Variants in FMNL3 observed in about 807,000 individuals in gnomAD.
The protein encoded by FMNL3 is formin like 3.
FMNL3 carries 57 observed loss-of-function variants against 119.6 expected under a neutral mutation model. That is an observed-to-expected ratio of 0.48 (90% CI 0.39 to 0.59). The LOEUF (loss-of-function observed/expected upper bound fraction) is 0.59, where lower values mean the gene tolerates loss of function less well. Ranked by LOEUF, FMNL3 falls within the 20% of genes least tolerant of loss-of-function variation. FMNL3 has a pLI of 0.00. For synonymous variants in FMNL3, 491 were observed against 507.3 expected (o/e 0.97, Z 0.43); for missense variants, 1,053 against 1,323.5 (o/e 0.80, Z 3.17).
chr12:49,651,362 A>C lies in FMNL3; in HGVS notation c.1672+20T>G, dbSNP rs757306790. 3.2e-6 allele frequency: 5 copies of C among 1,583,546 alleles called. No individual in the cohort carries two copies. The highest frequency in any genetic ancestry group is 1.7e-6 in the Non-Finnish European group (2 of 1,157,940). ...ACCCCTGGTCCCACCAGCCCTGCCC[A>C]GAGCCCTGGGGATACTCACCTGACA... On this transcript the variant is annotated intron_variant, in intron 15 of 25. Coordinates refer to ENST00000335154, the MANE Select transcript of FMNL3 (RefSeq NM_175736.5).
At chr12:49,655,114 A>C (rs555467577) in intron 9 of FMNL3, 130 bp from the exon 10 acceptor site, 2 of 771,398 alleles carry the variant, frequency 2.6e-6, no homozygotes, top group East Asian at 5.2e-5. Context: ...CTATATATGA[A>C]ATAGGCCATT....
chr12:49,661,910 T>C (rs1943744735), intron 5 of FMNL3, 56 bp downstream of exon 5: 1 of 1,482,170 alleles, frequency 6.7e-7, no homozygotes, highest in African/African-American at 1.4e-5. Context: ...CAAAGTAGAA[T>C]GGAACTATGT....
intron 1 of FMNL3, among the ~76,000 whole-genome samples, chr12:49,672,634 C>G (rs542206321): frequency 1.3e-4 from 20 of 152,334 alleles, no homozygotes; most frequent in Non-Finnish European, 2.4e-4. Flanking sequence ...CAGCCCCAGT[C>G]AAGCCAAGGA....
Position 49,647,855 on chromosome 12 carries a change from G to T in FMNL3, c.2677-51C>A. 7.1e-7 allele frequency: 1 copy of T among 1,407,670 alleles called. No homozygotes were observed. Among genetic ancestry groups the T allele is most frequent in the Non-Finnish European group, 1.0e-6 (1 of 994,760 alleles). The allele number at this position is 1,407,670 out of a possible 1,614,324, so 87.2% of individuals were successfully genotyped here. ...TCACCCTGGCAGGAAGATCAGCCCA[G>T]CTCCCACACCACGGATGAGAGGCCT... On this transcript the variant is annotated intron_variant, in intron 22 of 25. Coordinates refer to ENST00000335154, the MANE Select transcript of FMNL3 (RefSeq NM_175736.5). This position sits in a 1 kb window ranked among gnomAD's most constrained non-coding sequence, Gnocchi z 4.9.
intron 5 of FMNL3, among the ~76,000 whole-genome samples, chr12:49,659,329 T>C (rs534560354): frequency 6.6e-6 from 1 of 152,228 alleles, no homozygotes; most frequent in Non-Finnish European, 1.5e-5. Context: ...ACCAGGGTCC[T>C]GTAGTATAGC....
chr12:49,647,602 C>T lies in FMNL3; in HGVS notation c.2778+101G>A, dbSNP rs539655308. On this transcript the variant is annotated intron_variant, in intron 23 of 25. Coordinates refer to ENST00000335154, the MANE Select transcript of FMNL3 (RefSeq NM_175736.5). This position sits in a 1 kb window ranked among gnomAD's most constrained non-coding sequence, Gnocchi z 4.9. Reference sequence around the variant, plus strand: ...CTTGCATCGCTCCCTTCCCAGGACTCGGAGGAGGAGTCGGAAAAGGCCCAT... The same window carrying T: ...CTTGCATCGCTCCCTTCCCAGGACTTGGAGGAGGAGTCGGAAAAGGCCCAT... The T allele has an allele frequency of 5.3e-5, 59 of 1,119,400 alleles. No individual in the cohort carries two copies. Among genetic ancestry groups the T allele is most frequent in the Middle Eastern group, 2.0e-4 (1 of 4,986 alleles). 69.3% of individuals were successfully genotyped at this position (1,119,400 alleles called of 1,614,324 possible). A position where few individuals can be genotyped will look rare whatever the true frequency, so the allele number is the denominator to read the frequency against.
At chr12:49,653,019 T>A (rs1275340846) in intron 13 of FMNL3, among the ~76,000 whole-genome samples, 1 of 152,086 alleles carries the variant, frequency 6.6e-6, no homozygotes, top group East Asian at 1.9e-4. Flanking sequence ...CCCTCTTATG[T>A]GTGTGTCTGG....
chr12:49,648,104 TAA>T (rs763770317), intron 22 of FMNL3, 87 bp downstream of exon 22: 9,472 of 1,205,644 alleles, frequency 7.9e-3, no homozygotes, highest in South Asian at 0.019. Flanking sequence ...CTGCTTGATT[TAA>T]AAAAAAAAAA....
intron 10 of FMNL3, 35 bp downstream of exon 10, chr12:49,654,875 G>C (rs780790971): frequency 1.2e-6 from 2 of 1,601,894 alleles, no homozygotes; most frequent in Admixed American, 3.4e-5. Context: ...CACAGCCCTG[G>C]TGGGTATGTG....
Position 49,649,570 on chromosome 12 carries a change from C to T in FMNL3, c.2236-32G>A. The T allele has an allele frequency of 1.2e-6, 2 of 1,614,002 alleles. No individual in the cohort carries two copies. The highest frequency in any genetic ancestry group is 1.1e-5 in the South Asian group (1 of 91,044). Reference sequence around the variant, plus strand: ...GACAATATGAACACTGAAGTAACCCCAGGCTGAGATGGGGTAAAGACAGGG... The same window carrying T: ...GACAATATGAACACTGAAGTAACCCTAGGCTGAGATGGGGTAAAGACAGGG... On this transcript the variant is annotated intron_variant, in intron 18 of 25. Coordinates refer to ENST00000335154, the MANE Select transcript of FMNL3 (RefSeq NM_175736.5). The surrounding 1 kb of genome is among the most constrained non-coding windows in gnomAD (Gnocchi z 5.6).
In FMNL3 at chr12:49,650,254, T is replaced by A. The variant is rs796200945; in HGVS notation, c.2001-329A>T. ...TCCTCTCCCTACACTAAAGCCAGAT[T>A]CAATTTTTAGTACCCAAGGCACTAT... On this transcript the variant is annotated intron_variant, in intron 17 of 25. Transcript: ENST00000335154. Among the ~76,000 whole-genome samples, 4 of 152,248 alleles carry A rather than the reference T, an allele frequency of 2.6e-5. No homozygotes were observed. The East Asian group carries it at 7.7e-4, about 29-fold the overall frequency.
intron 2 of FMNL3, among the ~76,000 whole-genome samples, chr12:49,667,964 C>A (rs148178388): frequency 1.5e-4 from 23 of 152,280 alleles, no homozygotes; most frequent in African/African-American, 4.3e-4. Context: ...CAACTCTGAG[C>A]AAAGTAATGA....
At position 49,656,902 on chromosome 12, in the gene FMNL3, G is replaced by A. The variant is rs778898642; in HGVS notation, c.715-3C>T. On this transcript the variant is annotated splice_polypyrimidine_tract_variant and splice_region_variant and intron_variant, in intron 7 of 25. Coordinates refer to ENST00000335154, the MANE Select transcript of FMNL3 (RefSeq NM_175736.5). ...GACATGACCAGGTTGAATCCGTACT[G>A]CAAGGGAAAGGACAGAAGGAGGGGA... 1 of 1,613,542 alleles carries A rather than the reference G, an allele frequency of 6.2e-7. No individual in the cohort carries two copies. The highest frequency in any genetic ancestry group is 8.5e-7 in the Non-Finnish European group (1 of 1,179,482).
chr12:49,662,014 C>G lies in FMNL3; in HGVS notation c.404G>C (p.Gly135Ala). The part of the protein sequence containing the change: ...VREFLNDENK[G>A]LDVLVDYLSF... ...CAGGTAATCCACCAGTACATCCAGG[C>G]CTTTGTTTTCATCATTCAGAAATTC... The change falls in exon 5 of 26, where the codon GGC becomes GCC. Residue 135 changes from glycine to alanine, a missense_variant. Gly to Ala is a moderately conservative substitution (Grantham distance 60, BLOSUM62 0). Coordinates refer to ENST00000335154, the MANE Select transcript of FMNL3 (RefSeq NM_175736.5). 6.2e-7 allele frequency: 1 copy of G among 1,614,146 alleles called. No homozygotes were observed. The highest frequency in any genetic ancestry group is 8.5e-7 in the Non-Finnish European group (1 of 1,180,028).
At chr12:49,680,363 G>C (rs564887976) in intron 1 of FMNL3, among the ~76,000 whole-genome samples, 2 of 152,266 alleles carry the variant, frequency 1.3e-5, no homozygotes, top group Admixed American at 1.3e-4. Context: ...GTCACAAGTT[G>C]TATCAGCTAG....
chr12:49,663,237 C>T (rs762783351), intron 4 of FMNL3, among the ~76,000 whole-genome samples: 15 of 152,322 alleles, frequency 9.8e-5, no homozygotes, highest in Admixed American at 5.9e-4. Context: ...ACTGCTATTT[C>T]GGGATCTTGA....
chr12:49,657,340 G>GT (rs2138788563), intron 6 of FMNL3, 150 bp from the exon 7 acceptor site: 14 of 622,902 alleles, frequency 2.2e-5, no homozygotes, highest in Non-Finnish European at 4.0e-5. Flanking sequence ...GAGGGACAGG[G>GT]TGCAGGAGGC....
intron 1 of FMNL3, among the ~76,000 whole-genome samples, chr12:49,704,776 C>T (rs1202988412): frequency 3.3e-5 from 5 of 151,140 alleles, no homozygotes; most frequent in African/African-American, 1.2e-4. Flanking sequence ...TTACTGGGTG[C>T]CAAGCACCTT....
At chr12:49,669,955 A>G (rs1375770646) in intron 1 of FMNL3, among the ~76,000 whole-genome samples, 1 of 152,268 alleles carries the variant, frequency 6.6e-6, no homozygotes, top group Non-Finnish European at 1.5e-5. Flanking sequence ...TGAATCAAAT[A>G]TGATCGCCTA....
Sources: allele counts gnomAD v4.1 joint callset (sites outside exome capture counted in the v4.1 genomes callset), GRCh38; gene constraint gnomAD v4.1.1; non-coding constraint Gnocchi (gnomAD v3.1); transcripts MANE v1.5; gene names NCBI Gene and HGNC (gene_info 2026-07-23, HGNC 2026-07-21).